The following PEPD variants were observed in gnomAD, a reference collection of about 807,000 sequenced individuals.
PEPD encodes the protein peptidase D.
A neutral mutation model predicts 60.7 loss-of-function variants in PEPD; 53 were observed. That is an observed-to-expected ratio of 0.87 (90% CI 0.70 to 1.10). The LOEUF (loss-of-function observed/expected upper bound fraction) is 1.10. Among genes scored for constraint, PEPD ranks in the 50% least tolerant of loss-of-function variants. PEPD has a pLI of 0.00. For synonymous variants in PEPD, 267 were observed against 284.1 expected (o/e 0.94, Z 0.60); for missense variants, 711 against 711.9 (o/e 1.00, Z 0.01).
intron 2 of PEPD, chr19:33,511,491 G>A (rs1018758632): frequency 3.0e-5 from 11 of 367,152 alleles, no homozygotes; most frequent in East Asian, 6.7e-5. Context: ...TCTCTGCCAC[G>A]TGCAGGCAGG....
intron 12 of PEPD, among the ~76,000 whole-genome samples, chr19:33,392,811 G>C (rs986616091): frequency 2.0e-5 from 3 of 152,206 alleles, no homozygotes; most frequent in African/African-American, 7.2e-5. Flanking sequence ...CTGGCGGAGG[G>C]CAGATGATGG....
intron 6 of PEPD, among the ~76,000 whole-genome samples, chr19:33,484,129 C>G (rs1970356732): frequency 6.6e-6 from 1 of 152,166 alleles, no homozygotes. Context: ...CTATATGATT[C>G]AAAGTCAACC....
intron 8 of PEPD, 33 bp downstream of exon 8, chr19:33,463,954 T>TC: frequency 6.9e-7 from 1 of 1,454,658 alleles, no homozygotes; most frequent in Non-Finnish European, 9.6e-7. Context: ...AACACTGCTT[T>TC]CCCCACTCAA....
At chr19:33,436,821 C>A (rs929713274) in intron 9 of PEPD, among the ~76,000 whole-genome samples, 16 of 152,186 alleles carry the variant, frequency 1.1e-4, no homozygotes, top group African/African-American at 3.9e-4. Flanking sequence ...AAGAGAGGCC[C>A]CTGGGGCCGG....
At chr19:33,436,313 G>A (rs1025112960) in intron 9 of PEPD, among the ~76,000 whole-genome samples, 39 of 151,832 alleles carry the variant, frequency 2.6e-4, no homozygotes, top group African/African-American at 9.2e-4. Context: ...AAGGAATGAG[G>A]GTACTCACCA....
chr19:33,469,325 C>T (rs1236218410), intron 7 of PEPD, among the ~76,000 whole-genome samples: 1 of 152,202 alleles, frequency 6.6e-6, no homozygotes, highest in Non-Finnish European at 1.5e-5. Context: ...CTGGCAATGG[C>T]CAAGCAAGCC....
At chr19:33,392,806 G>A (rs1027788199) in intron 12 of PEPD, among the ~76,000 whole-genome samples, 10 of 152,194 alleles carry the variant, frequency 6.6e-5, no homozygotes, top group African/African-American at 1.9e-4. Flanking sequence ...TGTGGCTGGC[G>A]GAGGGCAGAT....
rs1480128305 is a variant in PEPD, at chr19:33,401,843, T to G, written c.845A>C (p.Tyr282Ser). The change falls in exon 12 of 15, where the codon TAC becomes TCC. Residue 282 changes from tyrosine (Y) to serine (S), a missense_variant. Transcript: ENST00000244137. ...GCAGGTGATGTCGGAAGCGAAGCAGTAATACTCACCGCCCATGTCGAACAG... is the reference window on the plus strand; with the variant it reads ...GCAGGTGATGTCGGAAGCGAAGCAGGAATACTCACCGCCCATGTCGAACAG... ...MCLFDMGGEY[Y>S]CFASDITCSF... 6 of 1,613,014 alleles carry G rather than the reference T, an allele frequency of 3.7e-6. No individual in the cohort carries two copies. Among genetic ancestry groups the G allele is most frequent in the Non-Finnish European group, 5.1e-6 (6 of 1,179,932 alleles).
chr19:33,426,456 T>G (rs372552120), intron 9 of PEPD, among the ~76,000 whole-genome samples: 1 of 152,270 alleles, frequency 6.6e-6, no homozygotes, highest in African/African-American at 2.4e-5. Flanking sequence ...TCTAAAGCAC[T>G]GTCGCACCTG....
chr19:33,436,459 G>GGGCTGCAA (rs1969378661), intron 9 of PEPD, among the ~76,000 whole-genome samples: 1 of 152,156 alleles, frequency 6.6e-6, no homozygotes, highest in African/African-American at 2.4e-5. Context: ...AGTCCTGCCT[G>GGGCTGCAA]GGCTGCAAGG....
At chr19:33,406,975 G>A (rs1229606345) in intron 11 of PEPD, among the ~76,000 whole-genome samples, 2 of 152,214 alleles carry the variant, frequency 1.3e-5, no homozygotes. Context: ...AGGCCCAGCA[G>A]GGGTGAGGCC....
Position 33,387,315 on chromosome 19 carries a change from C to A in PEPD, c.*29G>T. ...CGAAAAGAGGTTGCAAGGCCAGGCC[C>A]CCAGGTGCGCTGGGATTTCTGGCTG... is the stretch of plus-strand genomic sequence containing the variant. On this transcript the variant is annotated 3_prime_UTR_variant, in exon 15 of 15. Coordinates refer to ENST00000244137, the MANE Select transcript of PEPD (RefSeq NM_000285.4). 1 of 1,613,106 alleles carries A rather than the reference C, an allele frequency of 6.2e-7. No individual in the cohort carries two copies. Among genetic ancestry groups the A allele is most frequent in the Non-Finnish European group, 8.5e-7 (1 of 1,179,756 alleles).
At chr19:33,501,088 G>A in intron 3 of PEPD, 87 bp from the exon 4 acceptor site, 2 of 831,560 alleles carry the variant, frequency 2.4e-6, no homozygotes, top group Admixed American at 3.4e-5. Context: ...CCCAGGCCAT[G>A]GAGCCCCAGT....
intron 7 of PEPD, among the ~76,000 whole-genome samples, chr19:33,464,488 T>C (rs1969983081): frequency 6.6e-6 from 1 of 152,198 alleles, no homozygotes. Flanking sequence ...TCCTGTTGGC[T>C]GAAGAGGCCT....
chr19:33,411,768 G>A lies in PEPD; in HGVS notation c.741-19C>T, dbSNP rs977571944. On this transcript the variant is annotated intron_variant, in intron 10 of 14. Coordinates refer to ENST00000244137, the MANE Select transcript of PEPD (RefSeq NM_000285.4). Reference sequence around the variant, plus strand: ...CTCACCACTGCAAAGAGCCGGGGGAGGGTGATCAAAGCCCATTCTTCTGCA... The same window carrying A: ...CTCACCACTGCAAAGAGCCGGGGGAAGGTGATCAAAGCCCATTCTTCTGCA... 2 of 1,533,128 alleles carry A rather than the reference G, an allele frequency of 1.3e-6. No homozygotes were observed. The highest frequency in any genetic ancestry group is 1.7e-4 in the Middle Eastern group (1 of 5,936). 95.0% of individuals were successfully genotyped at this position (1,533,128 alleles called of 1,614,324 possible).
At chr19:33,477,050 G>A (rs904576356) in intron 7 of PEPD, 2 of 152,202 alleles carry the variant, frequency 1.3e-5, no homozygotes, top group Admixed American at 1.3e-4. Flanking sequence ...TTCCTCTCAA[G>A]AAAAAGTCAA....
Position 33,387,090 on chromosome 19 carries a change from T to C in PEPD, c.*254A>G, listed in dbSNP as rs140038783. 1.8e-6 allele frequency: 1 copy of C among 545,348 alleles called. No homozygotes were observed. Among genetic ancestry groups the C allele is most frequent in the Non-Finnish European group, 3.3e-6 (1 of 306,170 alleles). The allele number at this position is 545,348 out of a possible 1,614,324, so 33.8% of individuals were successfully genotyped here. The stretch of plus-strand genomic sequence containing the variant: ...TTTAGTTGCTACTAAAGAACAGCAT[T>C]ATTTTCAATCATTTTAAGTCGCTCA... On this transcript the variant is annotated 3_prime_UTR_variant, in exon 15 of 15. Coordinates refer to ENST00000244137, the MANE Select transcript of PEPD (RefSeq NM_000285.4).
intron 6 of PEPD, among the ~76,000 whole-genome samples, chr19:33,488,067 G>A (rs1479592178): frequency 1.4e-4 from 21 of 152,090 alleles, no homozygotes; most frequent in Admixed American, 1.3e-3. Context: ...GCTGCCAGAC[G>A]TGGTCCAGGG....
chr19:33,430,094 C>T (rs1969237696), intron 9 of PEPD, among the ~76,000 whole-genome samples: 3 of 152,316 alleles, frequency 2.0e-5, no homozygotes, highest in Non-Finnish European at 4.4e-5. Flanking sequence ...CATCTGTCTA[C>T]TGTGGGGTCT....
Sources: allele counts gnomAD v4.1 joint callset (sites outside exome capture counted in the v4.1 genomes callset), GRCh38; gene constraint gnomAD v4.1.1; transcripts MANE v1.5; gene names NCBI Gene and HGNC (gene_info 2026-07-23, HGNC 2026-07-21).